Variants in CTNNA2 observed in about 807,000 individuals in gnomAD.
CTNNA2 encodes the protein catenin alpha-2.
Under a neutral mutation model 101.0 loss-of-function variants are expected in CTNNA2, and 42 were observed. The observed-to-expected ratio is 0.42, with a 90% CI of 0.32 to 0.54. The LOEUF (loss-of-function observed/expected upper bound fraction) is 0.54. Among genes scored for constraint, CTNNA2 ranks in the 20% least tolerant of loss-of-function variants. The pLI, the probability that CTNNA2 is intolerant of heterozygous loss-of-function variation, is 0.14. For synonymous variants in CTNNA2, 450 were observed against 456.4 expected (o/e 0.99, Z 0.18); for missense variants, 871 against 1,223.1 (o/e 0.71, Z 4.29).
chr2:79,628,345 C>T (rs1679456132), intron 1 of CTNNA2, among the ~76,000 whole-genome samples: 1 of 151,602 alleles, frequency 6.6e-6, no homozygotes, highest in Non-Finnish European at 1.5e-5. Context: ...CCTAGCTGCT[C>T]AGGAGGCTTA....
At chr2:79,911,703 TG>T (rs1356954735) in intron 7 of CTNNA2, among the ~76,000 whole-genome samples, 1 of 152,258 alleles carries the variant, frequency 6.6e-6, no homozygotes, top group African/African-American at 2.4e-5. Context: ...ATGGGTATAG[TG>T]CTTAAATTTC....
At chr2:79,851,737 C>CTTTTTTTT (rs11399192) in intron 3 of CTNNA2, among the ~76,000 whole-genome samples, 14 of 87,124 alleles carry the variant, frequency 1.6e-4, no homozygotes, top group East Asian at 3.8e-4. Flanking sequence ...TTTTCTTTTC[C>CTTTTTTTT]TTTTTTTTTT....
At chr2:80,372,290 A>G (rs1675514174) in intron 7 of CTNNA2, among the ~76,000 whole-genome samples, 1 of 151,972 alleles carries the variant, frequency 6.6e-6, no homozygotes, top group South Asian at 2.1e-4. Flanking sequence ...GCCTTAAACC[A>G]GTCTCAAATT....
intron 3 of CTNNA2, among the ~76,000 whole-genome samples, chr2:79,321,138 C>T (rs1251775746): frequency 6.6e-6 from 1 of 151,044 alleles, no homozygotes; most frequent in Non-Finnish European, 1.5e-5. Flanking sequence ...AGATGTTTTA[C>T]CTTATTTAAT....
At chr2:80,172,305 C>T (rs1042519742) in intron 7 of CTNNA2, among the ~76,000 whole-genome samples, 2 of 152,188 alleles carry the variant, frequency 1.3e-5, no homozygotes, top group Admixed American at 6.6e-5. Context: ...TAATTTCTCC[C>T]TCTATGCCAA....
Position 80,619,169 on chromosome 2 carries a change from C to A in CTNNA2, c.2515C>A (p.His839Asn). The A allele has an allele frequency of 6.3e-7, 1 of 1,581,366 alleles. No individual in the cohort carries two copies. The highest frequency in any genetic ancestry group is 8.6e-7 in the Non-Finnish European group (1 of 1,163,042). Residue 839 changes from histidine to asparagine, a missense_variant, in exon 18 of 19, where the codon CAC becomes AAC. Physicochemically the swap from His to Asn is moderately conservative, Grantham distance 68. This residue lies in a region of CTNNA2 where 65 missense variants were observed against 53.3 expected (regional missense o/e 1.22). Coordinates refer to ENST00000402739, the MANE Select transcript of CTNNA2 (RefSeq NM_001282597.3). ...GGGCAGGGCTAGTCAACTTTCTACCCACCTCCCAACCTGTGCTGAGGGAGC... is the reference window on the plus strand; with the variant it reads ...GGGCAGGGCTAGTCAACTTTCTACCAACCTCCCAACCTGTGCTGAGGGAGC... ...DGGRASQLSTHLPTCAEGAPI... is the reference protein window; with the variant it reads ...DGGRASQLSTNLPTCAEGAPI...
chr2:80,305,224 C>T, intron 7 of CTNNA2: 1 of 985,294 alleles, frequency 1.0e-6, no homozygotes, highest in Non-Finnish European at 1.2e-6. Flanking sequence ...TGCAGTCAGC[C>T]AGCCCTTTTT....
intron 9 of CTNNA2, among the ~76,000 whole-genome samples, chr2:80,447,084 T>C (rs556739882): frequency 6.6e-6 from 1 of 152,312 alleles, no homozygotes; most frequent in Non-Finnish European, 1.5e-5. Flanking sequence ...TAGGTAGAAC[T>C]TAAGTGTTAC....
chr2:79,591,127 A>T (rs1676818608), intron 1 of CTNNA2, among the ~76,000 whole-genome samples: 1 of 152,212 alleles, frequency 6.6e-6, no homozygotes, highest in Non-Finnish European at 1.5e-5. Context: ...AGGTTTTGCT[A>T]TTTATAAGAA....
intron 7 of CTNNA2, among the ~76,000 whole-genome samples, chr2:80,013,184 A>T (rs144614147): frequency 6.6e-6 from 1 of 152,070 alleles, no homozygotes; most frequent in East Asian, 1.9e-4. Context: ...AAAAAAGTCC[A>T]AAACAGTCTC....
chr2:80,495,339 G>A (rs1400147771), intron 9 of CTNNA2, among the ~76,000 whole-genome samples: 2 of 152,114 alleles, frequency 1.3e-5, no homozygotes, highest in African/African-American at 4.8e-5. Flanking sequence ...TTGGATTCTA[G>A]TTCTCTCCTT....
intron 9 of CTNNA2, among the ~76,000 whole-genome samples, chr2:80,514,412 C>T (rs1394222922): frequency 4.6e-5 from 7 of 152,156 alleles, no homozygotes; most frequent in African/African-American, 1.7e-4. Flanking sequence ...CAGTGGGCCC[C>T]TTGCCTTGTC....
chr2:80,254,313 T>C (rs890471853), intron 7 of CTNNA2, among the ~76,000 whole-genome samples: 11 of 152,166 alleles, frequency 7.2e-5, no homozygotes, highest in South Asian at 2.1e-4. Context: ...TCTGCCCACA[T>C]TGATTCTCAG....
chr2:79,603,920 A>G (rs1356015810), intron 1 of CTNNA2, among the ~76,000 whole-genome samples: 1 of 152,180 alleles, frequency 6.6e-6, no homozygotes, highest in East Asian at 1.9e-4. Flanking sequence ...TGGTGAGGTC[A>G]TGTGTGGGCA....
At chr2:79,580,998 G>A (rs929988725) in intron 1 of CTNNA2, among the ~76,000 whole-genome samples, 3 of 152,112 alleles carry the variant, frequency 2.0e-5, no homozygotes, top group African/African-American at 7.2e-5. Flanking sequence ...TTTCTCCAAG[G>A]AATTTTAGTT....
At chr2:80,614,901 T>TAA (rs990807453) in intron 17 of CTNNA2, among the ~76,000 whole-genome samples, 5 of 151,410 alleles carry the variant, frequency 3.3e-5, no homozygotes, top group Non-Finnish European at 5.9e-5. Flanking sequence ...TCAGCCCCTG[T>TAA]AAACACTTGA....
chr2:80,017,366 G>GTA (rs776155120), intron 7 of CTNNA2, among the ~76,000 whole-genome samples: 37 of 151,780 alleles, frequency 2.4e-4, no homozygotes, highest in East Asian at 3.9e-4. Context: ...AGTTCTTCCT[G>GTA]TATATATATA....
chr2:79,375,161 G>A (rs1677953160), intron 4 of CTNNA2, among the ~76,000 whole-genome samples: 2 of 152,092 alleles, frequency 1.3e-5, no homozygotes, highest in Non-Finnish European at 2.9e-5. Context: ...GGCAGCTGTG[G>A]ATACTAACAC....
chr2:80,249,606 T>C (rs1573509693), intron 7 of CTNNA2, among the ~76,000 whole-genome samples: 4 of 152,264 alleles, frequency 2.6e-5, no homozygotes, highest in Admixed American at 2.6e-4. Context: ...TGAGGCACAG[T>C]GGGTTTGATA....
Sources: allele counts gnomAD v4.1 joint callset (sites outside exome capture counted in the v4.1 genomes callset), GRCh38; gene constraint gnomAD v4.1.1; regional missense constraint gnomAD v4.1.1; transcripts MANE v1.5; gene names NCBI Gene and HGNC (gene_info 2026-07-23, HGNC 2026-07-21).